The following GRIK1 variants were observed in gnomAD, a reference collection of about 807,000 sequenced individuals.
GRIK1 encodes the protein glutamate ionotropic receptor kainate type subunit 1.
In GRIK1, 69 loss-of-function variants were observed where a neutral mutation model predicts 105.7. The ratio of observed to expected loss-of-function variants is 0.65; its 90% CI spans 0.54 to 0.80. The LOEUF is 0.80. GRIK1 is among the 30% of genes least tolerant of loss of function. The probability of loss-of-function intolerance (pLI) is 0.00; values close to 1 mark genes in which losing one functional copy is unlikely to be tolerated. For missense variants in GRIK1, 1,109 were observed against 1,167.3 expected, an observed-to-expected ratio of 0.95 and a Z score of 0.73; for synonymous variants, 438 against 431.3, an observed-to-expected ratio of 1.02 and a Z score of -0.19.
chr21:29,603,190 G>A (rs2061550342), intron 7 of GRIK1, among the ~76,000 whole-genome samples: 1 of 152,058 alleles, frequency 6.6e-6, no homozygotes, highest in South Asian at 2.1e-4. Flanking sequence ...TTCAGATAGA[G>A]TGGATATTAT....
intron 1 of GRIK1, among the ~76,000 whole-genome samples, chr21:29,835,770 G>A (rs2067783175): frequency 6.6e-6 from 1 of 152,090 alleles, no homozygotes; most frequent in South Asian, 2.1e-4. Context: ...AACCCAATGG[G>A]CAATAATGAT....
In GRIK1 at chr21:29,828,011, C is replaced by CTGTG. The variant is rs138594747; in HGVS notation, c.118+111368_118+111371dup. Among the ~76,000 whole-genome samples the CTGTG allele has an allele frequency of 8.1e-3, 621 of 76,494 alleles. 4 individuals are homozygous for CTGTG. The highest frequency in any genetic ancestry group is 0.018 in the African/African-American group (570 of 31,434). 50.2% of individuals were successfully genotyped at this position (76,494 alleles called of 152,430 possible). On this transcript the variant is annotated intron_variant, in intron 1 of 17. Transcript: ENST00000327783. ...TCTCTCTCTCTCTCTCTGTCTCTCT[C>CTGTG]TGTGTGTGTGTGTGTGTGTGTGTGG...
intron 1 of GRIK1, among the ~76,000 whole-genome samples, chr21:29,862,483 A>AT (rs11380554): frequency 1 from 152,305 of 152,306 alleles, 76,152 homozygotes; most frequent in Non-Finnish European, 1. Context: ...GTAAAACAGG[A>AT]TTATTAGCTC....
At chr21:29,718,456 A>T (rs112106265) in intron 1 of GRIK1, among the ~76,000 whole-genome samples, 6,549 of 152,316 alleles carry the variant, frequency 0.043, 203 homozygotes, top group Non-Finnish European at 0.066. Context: ...TCCTTGGAAA[A>T]TACATCATGA....
At chr21:29,538,410 T>G (rs1455235205) in intron 16 of GRIK1, among the ~76,000 whole-genome samples, 1 of 152,078 alleles carries the variant, frequency 6.6e-6, no homozygotes, top group African/African-American at 2.4e-5. Flanking sequence ...TGCCAAAGGC[T>G]GGGAGGAAGG....
intron 16 of GRIK1, among the ~76,000 whole-genome samples, chr21:29,547,451 A>G (rs2090066986): frequency 6.6e-6 from 1 of 152,232 alleles, no homozygotes; most frequent in South Asian, 2.1e-4. Flanking sequence ...CTAGAGTCAA[A>G]CAATATTGTG....
chr21:29,767,655 G>A (rs1161808507), intron 1 of GRIK1, among the ~76,000 whole-genome samples: 1 of 152,178 alleles, frequency 6.6e-6, no homozygotes, highest in Non-Finnish European at 1.5e-5. Flanking sequence ...AGCAATCAGA[G>A]AACAATTTTA....
At chr21:29,643,947 C>G (rs975093816) in intron 6 of GRIK1, among the ~76,000 whole-genome samples, 15 of 152,060 alleles carry the variant, frequency 9.9e-5, no homozygotes, top group African/African-American at 3.4e-4. Context: ...CACACACACA[C>G]CACATACACA....
chr21:29,846,465 G>A (rs1220422497), intron 1 of GRIK1, among the ~76,000 whole-genome samples: 5 of 40,068 alleles, frequency 1.2e-4, no homozygotes, highest in Non-Finnish European at 3.0e-4. Flanking sequence ...AAGAGAGAGA[G>A]AAAGAAAGAA....
chr21:29,848,779 A>ATATATATATATT lies in GRIK1; in HGVS notation c.118+90603_118+90604insAATATATATATA. 2.6e-3 allele frequency among the ~76,000 whole-genome samples: 202 copies of ATATATATATATT among 77,828 alleles called. 1 individual carries two copies. The highest frequency in any genetic ancestry group is 4.8e-3 in the South Asian group (9 of 1,862). 51.1% of individuals were successfully genotyped at this position (77,828 alleles called of 152,430 possible). ...TGTATATATATATATATATATATAT[A>ATATATATATATT]TTTTTTTTTTTTTCCACGATCTTCA... On this transcript the variant is annotated intron_variant, in intron 1 of 17. Coordinates refer to ENST00000327783, the MANE Select transcript of GRIK1 (RefSeq NM_001330994.2).
chr21:29,814,175 T>G (rs1179248372), intron 1 of GRIK1, among the ~76,000 whole-genome samples: 1 of 151,100 alleles, frequency 6.6e-6, no homozygotes, highest in African/African-American at 2.4e-5. Context: ...GGTCTCAAAC[T>G]CCTGACCTCA....
chr21:29,905,619 A>ATTTTTTT (rs869179451), intron 1 of GRIK1, among the ~76,000 whole-genome samples: 931 of 72,406 alleles, frequency 0.013, 1 homozygote, highest in Non-Finnish European at 0.016. Flanking sequence ...CAAATTTTGT[A>ATTTTTTT]TTTTTTTTTT....
chr21:29,554,599 C>T (rs1002912587), intron 16 of GRIK1, among the ~76,000 whole-genome samples: 2 of 152,094 alleles, frequency 1.3e-5, no homozygotes, highest in African/African-American at 2.4e-5. Context: ...TGTTCAATTT[C>T]GTAGTATGAC....
rs117577059 is a variant in GRIK1 at position 29,643,087 on chromosome 21, C to T, written c.955-118G>A. The stretch of plus-strand genomic sequence containing the variant: ...TCTGTCTGATCTCAAAGGCCATTTA[C>T]TCTTCAGCTAGGTAGTTTTCACTCT... On this transcript the variant is annotated intron_variant, in intron 6 of 17. Coordinates refer to ENST00000327783, the MANE Select transcript of GRIK1 (RefSeq NM_001330994.2). 1.2e-3 allele frequency: 1,129 copies of T among 939,292 alleles called. 3 individuals are homozygous for T. Among genetic ancestry groups the T allele is most frequent in the Middle Eastern group, 5.8e-3 (26 of 4,518 alleles). The allele number at this position is 939,292 out of a possible 1,614,324, so 58.2% of individuals were successfully genotyped here.
chr21:29,687,564 C>G (rs374110142), intron 3 of GRIK1, among the ~76,000 whole-genome samples: 1 of 152,064 alleles, frequency 6.6e-6, no homozygotes. Flanking sequence ...GGGCGACATA[C>G]GAAATCATTT....
intron 1 of GRIK1, among the ~76,000 whole-genome samples, chr21:29,866,395 T>C (rs1317340437): frequency 2.0e-5 from 3 of 152,132 alleles, no homozygotes; most frequent in Non-Finnish European, 4.4e-5. Context: ...TTTAATTGCT[T>C]TCATTTTTTT....
At chr21:29,542,909 A>C (rs1205083413) in intron 16 of GRIK1, among the ~76,000 whole-genome samples, 1 of 152,212 alleles carries the variant, frequency 6.6e-6, no homozygotes, top group Admixed American at 6.5e-5. Context: ...CACATTACAC[A>C]TGGAAGAAAA....
chr21:29,560,282 T>G (rs190408052), intron 15 of GRIK1, among the ~76,000 whole-genome samples: 637 of 41,666 alleles, frequency 0.015, 12 homozygotes, highest in African/African-American at 0.054. Context: ...GATACAGTTT[T>G]CTTTCTTTCT....
At chr21:29,674,259 C>T (rs529164517) in intron 3 of GRIK1, among the ~76,000 whole-genome samples, 1 of 134,914 alleles carries the variant, frequency 7.4e-6, no homozygotes, top group South Asian at 2.2e-4. Flanking sequence ...ATTTATGTAG[C>T]TATTTTTTTT....
Sources: allele counts gnomAD v4.1 joint callset (sites outside exome capture counted in the v4.1 genomes callset), GRCh38; gene constraint gnomAD v4.1.1; transcripts MANE v1.5; gene names NCBI Gene and HGNC (gene_info 2026-07-23, HGNC 2026-07-21).